Variants in ANKRD11 observed in about 807,000 individuals in gnomAD.
ANKRD11 encodes ankyrin repeat domain 11.
In ANKRD11, 17 loss-of-function variants were observed where a neutral mutation model predicts 195.7. The ratio of observed to expected loss-of-function variants is 0.09; its 90% CI spans 0.06 to 0.13. ANKRD11 has a LOEUF of 0.13. ANKRD11 is among the 10% of genes least tolerant of loss of function. The probability of loss-of-function intolerance (pLI) is 1.00; values close to 1 mark genes in which losing one functional copy is unlikely to be tolerated. For synonymous variants in ANKRD11, 1,953 were observed against 1,528.1 expected (o/e 1.28, Z -6.49); for missense variants, 3,735 against 3,566.1 (o/e 1.05, Z -1.21).
intron 3 of ANKRD11, among the ~76,000 whole-genome samples, chr16:89,308,772 A>C (rs1048415241): frequency 5.3e-5 from 8 of 152,196 alleles, no homozygotes; most frequent in African/African-American, 1.9e-4. Flanking sequence ...CTAGAATACA[A>C]ATGGAATACC....
chr16:89,349,134 TAAAA>T (rs59621400), intron 2 of ANKRD11, among the ~76,000 whole-genome samples: 24 of 16,580 alleles, frequency 1.4e-3, no homozygotes, highest in Non-Finnish European at 1.5e-3. Flanking sequence ...TCTCAAAAAG[TAAAA>T]AAAAAAAAAA....
intron 2 of ANKRD11, among the ~76,000 whole-genome samples, chr16:89,335,639 G>A (rs1405209433): frequency 1.3e-5 from 2 of 152,206 alleles, no homozygotes; most frequent in African/African-American, 2.4e-5. Context: ...CACAAGCTGA[G>A]GTAAGATGAC....
At position 89,480,216 on chromosome 16, in the gene ANKRD11, C is replaced by A. The variant is rs144204716; in HGVS notation, c.-145+10029G>T. Among the ~76,000 whole-genome samples the A allele has an allele frequency of 3.9e-3, 600 of 152,246 alleles. 6 individuals carry two copies. The highest frequency in any genetic ancestry group is 0.014 in the African/African-American group (568 of 41,536). On this transcript the variant is annotated intron_variant, in intron 1 of 12. Transcript: ENST00000301030. ...TTTAGGCCAGGCGTGATGGCTGACGCCTGTAATCCCAGCACTTTGAGAGGC... is the reference window on the plus strand; with the variant it reads ...TTTAGGCCAGGCGTGATGGCTGACGACTGTAATCCCAGCACTTTGAGAGGC...
chr16:89,282,674 G>T lies in ANKRD11; in HGVS notation c.3868C>A (p.His1290Asn). ...TCGTTGGAGTCTTCTCTGTACTCAT[G>T]GAGAGCCTCTTCTTCCAACTTTTCA... is the stretch of plus-strand genomic sequence containing the variant. ...LLEKLEEEAL[H>N]EYREDSNDKI... The change falls in exon 9 of 13, where the codon CAT becomes AAT. Residue 1290 changes from histidine (H) to asparagine (N), a missense_variant. His to Asn is a moderately conservative substitution (Grantham distance 68, BLOSUM62 1). Coordinates refer to ENST00000301030, the MANE Select transcript of ANKRD11 (RefSeq NM_013275.6). The T allele has an allele frequency of 6.2e-7, 1 of 1,614,084 alleles. No individual in the cohort carries two copies. Among genetic ancestry groups the T allele is most frequent in the Non-Finnish European group, 8.5e-7 (1 of 1,180,030 alleles).
At chr16:89,447,062 G>A (rs1162712224) in intron 1 of ANKRD11, among the ~76,000 whole-genome samples, 3 of 151,848 alleles carry the variant, frequency 2.0e-5, no homozygotes, top group Admixed American at 6.6e-5. Flanking sequence ...CCCACCCTAC[G>A]AAGACACTGC....
At chr16:89,428,592 T>C (rs1181842843) in intron 1 of ANKRD11, among the ~76,000 whole-genome samples, 1 of 151,256 alleles carries the variant, frequency 6.6e-6, no homozygotes, top group East Asian at 2.0e-4. Flanking sequence ...ATTATTTCCT[T>C]TAAAAATACA....
intron 1 of ANKRD11, among the ~76,000 whole-genome samples, chr16:89,436,144 G>A (rs2043207450): frequency 6.6e-6 from 1 of 152,194 alleles, no homozygotes; most frequent in Non-Finnish European, 1.5e-5. Flanking sequence ...GCCGGGCACA[G>A]TGGCTCATGC....
At chr16:89,345,585 A>C (rs2038902375) in intron 2 of ANKRD11, among the ~76,000 whole-genome samples, 1 of 152,272 alleles carries the variant, frequency 6.6e-6, no homozygotes, top group Non-Finnish European at 1.5e-5. Flanking sequence ...AACCAGTCTC[A>C]GGCATTTTGT....
chr16:89,321,859 G>C (rs1289126651), intron 2 of ANKRD11, among the ~76,000 whole-genome samples: 1 of 152,168 alleles, frequency 6.6e-6, no homozygotes, highest in Non-Finnish European at 1.5e-5. Flanking sequence ...GAGACAGCAA[G>C]ACCCATCTCT....
intron 2 of ANKRD11, among the ~76,000 whole-genome samples, chr16:89,326,162 C>G (rs2037705637): frequency 6.6e-6 from 1 of 152,200 alleles, no homozygotes; most frequent in South Asian, 2.1e-4. Flanking sequence ...GGTACAATTG[C>G]ACAGCTAAAA....
intron 1 of ANKRD11, among the ~76,000 whole-genome samples, chr16:89,445,395 G>A (rs1326002262): frequency 1.3e-5 from 2 of 152,000 alleles, no homozygotes; most frequent in Non-Finnish European, 2.9e-5. Context: ...TCATCTCCTT[G>A]GGGCGTAAGA....
At chr16:89,378,198 G>A (rs770663300) in intron 2 of ANKRD11, among the ~76,000 whole-genome samples, 24 of 152,106 alleles carry the variant, frequency 1.6e-4, no homozygotes, top group East Asian at 9.7e-4. Context: ...TTTAAGAAGC[G>A]GGAAAAAAAG....
chr16:89,293,470 G>T (rs1009387106), intron 4 of ANKRD11, among the ~76,000 whole-genome samples: 1 of 150,226 alleles, frequency 6.7e-6, no homozygotes, highest in African/African-American at 2.5e-5. Flanking sequence ...GGGCAGAGTT[G>T]TGGCTGCGGA....
chr16:89,462,980 G>T (rs1408539886), intron 1 of ANKRD11, among the ~76,000 whole-genome samples: 2 of 150,264 alleles, frequency 1.3e-5, no homozygotes, highest in African/African-American at 4.9e-5. Flanking sequence ...CAGGCCAGCC[G>T]CCCCGTCCGG....
At chr16:89,322,512 G>A (rs1053816222) in intron 2 of ANKRD11, among the ~76,000 whole-genome samples, 3 of 152,268 alleles carry the variant, frequency 2.0e-5, no homozygotes, top group Admixed American at 6.5e-5. Context: ...AGGCCCAGGA[G>A]GAGGAAGACA....
At chr16:89,424,876 C>CAA (rs968258667) in intron 1 of ANKRD11, among the ~76,000 whole-genome samples, 2 of 152,134 alleles carry the variant, frequency 1.3e-5, no homozygotes, top group African/African-American at 4.8e-5. Flanking sequence ...ATCAATCAAT[C>CAA]TCTCTCTCTA....
intron 2 of ANKRD11, among the ~76,000 whole-genome samples, chr16:89,407,668 TACACACAC>T (rs112958844): frequency 6.6e-6 from 1 of 150,704 alleles, no homozygotes; most frequent in Non-Finnish European, 1.5e-5. Context: ...CAAACACACA[TACACACAC>T]ACACACACAT....
chr16:89,375,614 C>T (rs2040390987), intron 2 of ANKRD11, among the ~76,000 whole-genome samples: 1 of 151,918 alleles, frequency 6.6e-6, no homozygotes, highest in African/African-American at 2.4e-5. Context: ...CCACCACGCC[C>T]AGTTAATTTT....
chr16:89,389,814 A>G (rs1167095021), intron 2 of ANKRD11, among the ~76,000 whole-genome samples: 2 of 145,312 alleles, frequency 1.4e-5, no homozygotes, highest in Non-Finnish European at 3.0e-5. Flanking sequence ...ACCGAGAGAG[A>G]AGATCACTAG....
Sources: allele counts gnomAD v4.1 joint callset (sites outside exome capture counted in the v4.1 genomes callset), GRCh38; gene constraint gnomAD v4.1.1; transcripts MANE v1.5; gene names NCBI Gene and HGNC (gene_info 2026-07-23, HGNC 2026-07-21).